The following IMMP2L variants were observed in gnomAD, a reference collection of about 807,000 sequenced individuals.
The protein encoded by IMMP2L is mitochondrial inner membrane protease subunit 2.
Under a neutral mutation model 19.3 loss-of-function variants are expected in IMMP2L, and 18 were observed. That is an observed-to-expected ratio of 0.93 (90% CI 0.64 to 1.38). The LOEUF (loss-of-function observed/expected upper bound fraction) is 1.38, where lower values mean the gene tolerates loss of function less well. IMMP2L is among the 40% of genes most tolerant of loss of function. The pLI, the probability that IMMP2L is intolerant of heterozygous loss-of-function variation, is 0.00. For missense variants in IMMP2L, 233 were observed against 218.2 expected (o/e 1.07, Z -0.43); for synonymous variants, 76 against 73.0 (o/e 1.04, Z -0.21).
At chr7:110,767,751 C>T (rs1350136394) in intron 5 of IMMP2L, among the ~76,000 whole-genome samples, 1 of 152,144 alleles carries the variant, frequency 6.6e-6, no homozygotes, top group African/African-American at 2.4e-5. Context: ...CTTCCTGCTC[C>T]CATCAAGCCC....
At chr7:111,048,679 G>A (rs534432283) in intron 3 of IMMP2L, among the ~76,000 whole-genome samples, 42 of 152,170 alleles carry the variant, frequency 2.8e-4, no homozygotes, top group African/African-American at 9.9e-4. Context: ...TAGGTACATC[G>A]TCAAGAGGTT....
chr7:111,342,318 G>T (rs1827095573), intron 3 of IMMP2L, among the ~76,000 whole-genome samples: 2 of 152,024 alleles, frequency 1.3e-5, no homozygotes, highest in Admixed American at 1.3e-4. Context: ...GGTTGGCTGG[G>T]CACAGTGGCT....
Position 110,784,966 on chromosome 7 carries a change from A to C in IMMP2L, c.408+101627T>G, listed in dbSNP as rs562711792. Reference sequence around the variant, plus strand: ...ATGACGTCATTTTAAAATGAGATACAAGAAACACTTGTAAAACATTTTCTA... The same window carrying C: ...ATGACGTCATTTTAAAATGAGATACCAGAAACACTTGTAAAACATTTTCTA... On this transcript the variant is annotated intron_variant, in intron 5 of 5. Transcript: ENST00000405709. Among the ~76,000 whole-genome samples, 3 of 152,098 alleles carry C rather than the reference A, an allele frequency of 2.0e-5. No individual in the cohort carries two copies. The South Asian group carries it at 6.2e-4, about 32-fold the overall frequency.
intron 5 of IMMP2L, among the ~76,000 whole-genome samples, chr7:110,880,850 T>C (rs1809566955): frequency 1.3e-5 from 2 of 152,120 alleles, no homozygotes; most frequent in African/African-American, 4.8e-5. Flanking sequence ...GTATCTGTGA[T>C]AGCAATGAAG....
At chr7:110,778,901 G>T (rs987833534) in intron 5 of IMMP2L, among the ~76,000 whole-genome samples, 2 of 151,852 alleles carry the variant, frequency 1.3e-5, no homozygotes, top group African/African-American at 4.8e-5. Context: ...TCTCACCATG[G>T]CCAAAATCAA....
intron 5 of IMMP2L, among the ~76,000 whole-genome samples, chr7:110,876,084 C>A (rs1731903449): frequency 1.3e-5 from 2 of 152,224 alleles, no homozygotes; most frequent in South Asian, 4.1e-4. Flanking sequence ...TTATTTACAA[C>A]TTCCCACAAT....
intron 1 of IMMP2L, among the ~76,000 whole-genome samples, chr7:111,537,257 T>C (rs1847966612): frequency 6.6e-6 from 1 of 152,072 alleles, no homozygotes; most frequent in African/African-American, 2.4e-5. Flanking sequence ...TAGAGGCAAT[T>C]GGGGATGTTA....
intron 3 of IMMP2L, among the ~76,000 whole-genome samples, chr7:111,004,946 A>T (rs1824134992): frequency 6.6e-6 from 1 of 152,206 alleles, no homozygotes. Context: ...AAGCTATTAA[A>T]TAAATGTAGC....
At chr7:111,477,789 T>C (rs2132167228) in intron 3 of IMMP2L, among the ~76,000 whole-genome samples, 1 of 152,026 alleles carries the variant, frequency 6.6e-6, no homozygotes, top group South Asian at 2.1e-4. Flanking sequence ...TCCCAGCTAC[T>C]CAGGAGGCTG....
At chr7:111,560,619 T>C (rs1791930347) in intron 1 of IMMP2L, among the ~76,000 whole-genome samples, 1 of 152,174 alleles carries the variant, frequency 6.6e-6, no homozygotes, top group African/African-American at 2.4e-5. Context: ...CTATGATCAG[T>C]AGTACAGGGA....
chr7:110,767,726 AG>A (rs1278861512), intron 5 of IMMP2L, among the ~76,000 whole-genome samples: 4 of 152,172 alleles, frequency 2.6e-5, no homozygotes, highest in Admixed American at 2.0e-4. Flanking sequence ...CAATCTCAAT[AG>A]TTTCCTAACT....
At position 111,420,961 on chromosome 7, in the gene IMMP2L, A is replaced by C. The variant is rs1447815415; in HGVS notation, c.239+66277T>G. On this transcript the variant is annotated intron_variant, in intron 3 of 5. Transcript: ENST00000405709. ...TGGGTCAAATGGTAATTCTAGTTCT[A>C]GATCCTTGAGGAATCACCACACTGT... is the stretch of plus-strand genomic sequence containing the variant. 2.6e-5 allele frequency among the ~76,000 whole-genome samples: 4 copies of C among 151,854 alleles called. 1 individual carries two copies. Among genetic ancestry groups the C allele is most frequent in the African/African-American group, 9.7e-5 (4 of 41,128 alleles).
At chr7:111,187,443 T>C (rs1020018771) in intron 3 of IMMP2L, among the ~76,000 whole-genome samples, 2 of 152,114 alleles carry the variant, frequency 1.3e-5, no homozygotes, top group East Asian at 3.9e-4. Context: ...TTAAAATATA[T>C]AGCTAAAAGC....
intron 3 of IMMP2L, among the ~76,000 whole-genome samples, chr7:111,262,614 T>C (rs1817433164): frequency 6.6e-6 from 1 of 152,114 alleles, no homozygotes; most frequent in South Asian, 2.1e-4. Context: ...AAGATGTCCC[T>C]AGCTAATGAT....
chr7:111,009,382 A>AT (rs1824676717), intron 3 of IMMP2L, among the ~76,000 whole-genome samples: 1 of 151,998 alleles, frequency 6.6e-6, no homozygotes, highest in Non-Finnish European at 1.5e-5. Flanking sequence ...TTCTGAGTGT[A>AT]TTTTTTATTT....
At chr7:111,097,326 T>G (rs1797507327) in intron 3 of IMMP2L, 1 of 151,892 alleles carries the variant, frequency 6.6e-6, no homozygotes, top group South Asian at 2.1e-4. Flanking sequence ...ACAAGTGACA[T>G]GAATAATAGT....
intron 3 of IMMP2L, among the ~76,000 whole-genome samples, chr7:111,007,268 C>T (rs745775493): frequency 5.9e-5 from 9 of 152,114 alleles, no homozygotes; most frequent in Admixed American, 1.3e-4. Context: ...AAATCACCCT[C>T]ATTATCCAAA....
chr7:111,120,778 A>G (rs190997222), intron 3 of IMMP2L, among the ~76,000 whole-genome samples: 133 of 152,274 alleles, frequency 8.7e-4, no homozygotes, highest in African/African-American at 3.2e-3. Context: ...TGAAAATGGG[A>G]AACAGCTAAT....
chr7:110,999,623 AC>A (rs1348796808), intron 3 of IMMP2L, among the ~76,000 whole-genome samples: 6 of 150,750 alleles, frequency 4.0e-5, no homozygotes, highest in African/African-American at 1.2e-4. Flanking sequence ...AAAAAAAAAA[AC>A]CAAGATACGT....
Sources: allele counts gnomAD v4.1 joint callset (sites outside exome capture counted in the v4.1 genomes callset), GRCh38; gene constraint gnomAD v4.1.1; transcripts MANE v1.5; gene names NCBI Gene and HGNC (gene_info 2026-07-23, HGNC 2026-07-21).